Variants in NXN observed in about 807,000 individuals in gnomAD.
NXN encodes nucleoredoxin 1.
NXN carries 16 observed loss-of-function variants against 48.6 expected under a neutral mutation model. The observed-to-expected ratio is 0.33, with a 90% confidence interval of 0.22 to 0.50. The LOEUF (loss-of-function observed/expected upper bound fraction) is 0.50. Ranked by LOEUF, NXN falls within the 20% of genes least tolerant of loss-of-function variation. The pLI is 0.98. For synonymous variants in NXN, 281 were observed against 269.6 expected (o/e 1.04, Z -0.41); for missense variants, 492 against 605.5 (o/e 0.81, Z 1.97).
rs886246818 is a variant in NXN, at chr17:956,471, C to A, written c.360+22848G>T. 2.0e-5 allele frequency among the ~76,000 whole-genome samples: 3 copies of A among 152,052 alleles called. No individual in the cohort carries two copies. The highest frequency in any genetic ancestry group is 2.9e-5 in the Non-Finnish European group (2 of 67,996). Reference sequence around the variant, plus strand: ...TCTTGTCACCCAGGCTGGAGTGCAACGGCACAACCTCAGCTCACTGCAACC... The same window carrying A: ...TCTTGTCACCCAGGCTGGAGTGCAAAGGCACAACCTCAGCTCACTGCAACC... On this transcript the variant is annotated intron_variant, in intron 1 of 7. Coordinates refer to ENST00000336868, the MANE Select transcript of NXN (RefSeq NM_022463.5). The surrounding 1 kb of genome is among the most constrained non-coding windows in gnomAD (Gnocchi z 4.1).
chr17:839,797 T>TAAAAAAAAAAAAAAAA (rs553678056), intron 1 of NXN, among the ~76,000 whole-genome samples: 30 of 57,242 alleles, frequency 5.2e-4, no homozygotes, highest in East Asian at 4.8e-3. Flanking sequence ...GAGACCTTGT[T>TAAAAAAAAAAAAAAAA]AAAAAAAAAA....
At chr17:949,718 GCCT>G (rs1278953333) in intron 1 of NXN, among the ~76,000 whole-genome samples, 1 of 144,776 alleles carries the variant, frequency 6.9e-6, no homozygotes, top group East Asian at 2.0e-4. Context: ...TCTCCCTGCT[GCCT>G]CCTCCTCTCC....
At chr17:836,701 T>A (rs1913843085) in intron 1 of NXN, among the ~76,000 whole-genome samples, 1 of 152,152 alleles carries the variant, frequency 6.6e-6, no homozygotes, top group Non-Finnish European at 1.5e-5. Flanking sequence ...AAAATGTAGA[T>A]AACAGAACCT....
intron 5 of NXN, among the ~76,000 whole-genome samples, chr17:809,940 G>A (rs1911829793): frequency 3.6e-5 from 5 of 139,014 alleles, no homozygotes; most frequent in African/African-American, 1.3e-4. Context: ...TGAGTGGCGT[G>A]TACGTTACGA....
rs117824812 is a variant in NXN, at chr17:958,978, G to A, written c.360+20341C>T. Reference sequence around the variant, plus strand: ...ACATACACACACACACACACGATACGAGTTCTTTCATCTTGCAAGAAAGAA... The same window carrying A: ...ACATACACACACACACACACGATACAAGTTCTTTCATCTTGCAAGAAAGAA... On this transcript the variant is annotated intron_variant, in intron 1 of 7. Transcript: ENST00000336868. This position sits in a 1 kb window ranked among gnomAD's most constrained non-coding sequence, Gnocchi z 6.9. 7 of 189,750 alleles carry A rather than the reference G, an allele frequency of 3.7e-5. No individual in the cohort carries two copies. Among genetic ancestry groups the A allele is most frequent in the Admixed American group, 1.9e-4 (3 of 16,122 alleles). 11.8% of individuals were successfully genotyped at this position (189,750 alleles called of 1,614,324 possible).
chr17:839,797 T>TAAAAA lies in NXN; in HGVS notation c.361-13724_361-13720dup, dbSNP rs553678056. 1.9e-3 allele frequency among the ~76,000 whole-genome samples: 111 copies of TAAAAA among 57,266 alleles called. 6 individuals carry two copies. The highest frequency in any genetic ancestry group is 5.4e-3 in the African/African-American group (60 of 11,164). The allele number at this position is 57,266 out of a possible 152,430, so 37.6% of individuals were successfully genotyped here. On this transcript the variant is annotated intron_variant, in intron 1 of 7. Coordinates refer to ENST00000336868, the MANE Select transcript of NXN (RefSeq NM_022463.5). Reference sequence around the variant, plus strand: ...CAGCCTGGCGACAGAGAGACCTTGTTAAAAAAAAAAAAAAAAAGGCCAGGC... The same window carrying TAAAAA: ...CAGCCTGGCGACAGAGAGACCTTGTTAAAAAAAAAAAAAAAAAAAAAAGGCCAGGC...
rs553776890 is a variant in NXN at position 889,771 on chromosome 17, A to G, written c.361-63693T>C. Among the ~76,000 whole-genome samples, 463 of 149,790 alleles carry G rather than the reference A, an allele frequency of 3.1e-3. 11 individuals are homozygous for G. Among genetic ancestry groups the G allele is most frequent in the Non-Finnish European group, 4.7e-3 (317 of 67,440 alleles). Reference sequence around the variant, plus strand: ...AGAAAGAAAGAAAGAAAAAGAAAGAAAGAAAAGAGAGAGAAAAGAAATGCA... The same window carrying G: ...AGAAAGAAAGAAAGAAAAAGAAAGAGAGAAAAGAGAGAGAAAAGAAATGCA... On this transcript the variant is annotated intron_variant, in intron 1 of 7. Coordinates refer to ENST00000336868, the MANE Select transcript of NXN (RefSeq NM_022463.5).
intron 1 of NXN, among the ~76,000 whole-genome samples, chr17:912,314 T>C (rs114136572): frequency 0.01 from 1,586 of 152,216 alleles, 25 homozygotes; most frequent in African/African-American, 0.033. Flanking sequence ...CAAACCAACG[T>C]TGTTTGAGGG....
intron 1 of NXN, among the ~76,000 whole-genome samples, chr17:876,049 C>T (rs904655851): frequency 1.6e-4 from 24 of 152,044 alleles, no homozygotes; most frequent in Non-Finnish European, 2.6e-4. Flanking sequence ...GGCGTGGTGG[C>T]GTGCACCTGT....
chr17:863,158 G>A (rs978362241), intron 1 of NXN, among the ~76,000 whole-genome samples: 7 of 151,964 alleles, frequency 4.6e-5, no homozygotes, highest in Admixed American at 1.3e-4. Context: ...TTCACATCCT[G>A]CGAATACTGT....
chr17:824,038 T>A (rs1912963217), intron 2 of NXN, among the ~76,000 whole-genome samples: 1 of 19,196 alleles, frequency 5.2e-5, no homozygotes, highest in East Asian at 1.6e-3. Context: ...CCAGGGACAT[T>A]TTTTTTTTTT....
intron 4 of NXN, 104 bp from the exon 5 acceptor site, chr17:819,649 G>T: frequency 1.2e-6 from 1 of 811,554 alleles, no homozygotes; most frequent in East Asian, 2.6e-5. Context: ...TGCAGAAGCC[G>T]GGGTTTCTAA....
At chr17:940,827 C>CAA (rs2068964807) in intron 1 of NXN, among the ~76,000 whole-genome samples, 1 of 149,358 alleles carries the variant, frequency 6.7e-6, no homozygotes, top group African/African-American at 2.5e-5. Flanking sequence ...GAACTCACAT[C>CAA]ACACCTTCCT....
In NXN at chr17:932,661, C is replaced by T. The variant is rs2068866539; in HGVS notation, c.360+46658G>A. 6.6e-6 allele frequency among the ~76,000 whole-genome samples: 1 copy of T among 152,180 alleles called. No homozygotes were observed. Among genetic ancestry groups the T allele is most frequent in the African/African-American group, 2.4e-5 (1 of 41,438 alleles). On this transcript the variant is annotated intron_variant, in intron 1 of 7. Transcript: ENST00000336868. The surrounding 1 kb of genome is among the most constrained non-coding windows in gnomAD (Gnocchi z 4.1). ...AGTGGGGTCAGCAGCAAGGACCCAT[C>T]ACCGGAAGAGGCTTCTGAGAGGCAC...
At chr17:966,350 AT>A (rs1042888305) in intron 1 of NXN, among the ~76,000 whole-genome samples, 6 of 150,152 alleles carry the variant, frequency 4.0e-5, no homozygotes, top group Middle Eastern at 3.2e-3. Context: ...TGTTGTCAGC[AT>A]TTTTTTTTCT....
intron 1 of NXN, among the ~76,000 whole-genome samples, chr17:836,676 G>A (rs113776932): frequency 1.3e-5 from 2 of 152,266 alleles, no homozygotes; most frequent in African/African-American, 4.8e-5. Flanking sequence ...ACCGTCTCTT[G>A]GCTTCCTCAG....
chr17:915,223 T>G (rs142207243), intron 1 of NXN, among the ~76,000 whole-genome samples: 1 of 151,800 alleles, frequency 6.6e-6, no homozygotes, highest in Non-Finnish European at 1.5e-5. Context: ...CGTGAGCCAC[T>G]GCACCCGGCC....
intron 1 of NXN, among the ~76,000 whole-genome samples, chr17:924,715 CTCCGT>C (rs56853234): frequency 0.98 from 148,858 of 151,984 alleles, 72,951 homozygotes; most frequent in East Asian, 1. Flanking sequence ...TAAAGACTAA[CTCCGT>C]TCCGTTCCGT....
Position 803,747 on chromosome 17 carries a change from T to G in NXN, c.1060A>C (p.Lys354Gln). 2 of 1,614,232 alleles carry G rather than the reference T, an allele frequency of 1.2e-6. No homozygotes were observed. Among genetic ancestry groups the G allele is most frequent in the Non-Finnish European group, 1.7e-6 (2 of 1,180,044 alleles). ...TTGGCTTTGTACTTGGCAATGATTT[T>G]CTCAGCTATCGGCTGAATCAGCTGC... ...AKQLIQPIAE[K>Q]IIAKYKAKEE... Residue 354 changes from lysine (K) to glutamine (Q), a missense_variant, in exon 7 of 8, where the codon AAA (lysine) becomes CAA (glutamine). By Grantham distance (53) the Lys-to-Gln change is moderately conservative (BLOSUM62 1). Transcript: ENST00000336868.
Sources: gnomAD v4.1 joint callset for allele counts (sites outside exome capture counted in the v4.1 genomes callset) on GRCh38, gnomAD v4.1.1 for gene constraint, Gnocchi (gnomAD v3.1) non-coding constraint, MANE v1.5 for transcripts, NCBI Gene and HGNC (gene_info 2026-07-23, HGNC 2026-07-21) for gene names.